The following BMPER variants were observed in gnomAD, a reference collection of about 807,000 sequenced individuals.
BMPER encodes the protein BMP-binding endothelial regulator protein.
BMPER carries 45 observed loss-of-function variants against 87.3 expected under a neutral mutation model. The observed-to-expected ratio is 0.52, with a 90% CI of 0.41 to 0.66. The LOEUF is 0.66. Ranked by LOEUF, BMPER falls within the 30% of genes least tolerant of loss-of-function variation. The pLI, the probability that BMPER is intolerant of heterozygous loss-of-function variation, is 0.00. For synonymous variants in BMPER, 326 were observed against 316.2 expected, an observed-to-expected ratio of 1.03 and a Z score of -0.33; for missense variants, 784 against 867.5, an observed-to-expected ratio of 0.90 and a Z score of 1.21.
chr7:34,092,650 C>G (rs1449559143), intron 13 of BMPER, among the ~76,000 whole-genome samples: 1 of 152,184 alleles, frequency 6.6e-6, no homozygotes, highest in African/African-American at 2.4e-5. Context: ...CCACCTCACC[C>G]ACAAGTAGGC....
chr7:34,054,226 A>G (rs59159472), intron 8 of BMPER, among the ~76,000 whole-genome samples: 2,983 of 152,278 alleles, frequency 0.02, 80 homozygotes, highest in African/African-American at 0.064. Flanking sequence ...ATTGCTTAAC[A>G]TAGTGCTAGG....
intron 6 of BMPER, among the ~76,000 whole-genome samples, chr7:33,990,060 G>A (rs1262452618): frequency 6.6e-6 from 1 of 151,766 alleles, no homozygotes; most frequent in Middle Eastern, 3.2e-3. Flanking sequence ...GATGCCTCCA[G>A]CTTTGTTCTT....
chr7:34,096,558 A>G (rs1789537116), intron 13 of BMPER, among the ~76,000 whole-genome samples: 1 of 152,196 alleles, frequency 6.6e-6, no homozygotes, highest in Non-Finnish European at 1.5e-5. Flanking sequence ...TACTCTGTTT[A>G]TTCGGAAATC....
intron 6 of BMPER, among the ~76,000 whole-genome samples, chr7:33,992,541 A>G (rs922632870): frequency 1.5e-4 from 22 of 149,302 alleles, no homozygotes; most frequent in Non-Finnish European, 2.8e-4. Context: ...TCCTGAACAC[A>G]GCACACTGAT....
chr7:33,920,363 A>AGAT (rs1415267678), intron 2 of BMPER, among the ~76,000 whole-genome samples: 1 of 149,588 alleles, frequency 6.7e-6, no homozygotes, highest in East Asian at 2.0e-4. Context: ...CCTGGTCCAG[A>AGAT]GATCCTGATG....
chr7:34,138,289 ACTGACCACAGGTCAGTT>A (rs1562767563), intron 13 of BMPER, among the ~76,000 whole-genome samples: 1 of 152,138 alleles, frequency 6.6e-6, no homozygotes, highest in African/African-American at 2.4e-5. Flanking sequence ...CAGGGAGGGA[ACTGACCACAGGTCAGTT>A]CTGATCCCAC....
At chr7:34,129,729 G>T (rs1790531520) in intron 13 of BMPER, among the ~76,000 whole-genome samples, 1 of 152,038 alleles carries the variant, frequency 6.6e-6, no homozygotes, top group African/African-American at 2.4e-5. Context: ...CAGTTCCTTT[G>T]CCATGAGTCC....
rs985866275 is a variant in BMPER, at chr7:34,106,722, A to G, written c.1745+20630A>G. ...ACCTTACTGGCAAGACAAAATTCCA[A>G]ATTCTTTAACTTGACATCTAAGGTT... On this transcript the variant is annotated intron_variant, in intron 13 of 14. Coordinates refer to ENST00000649409, the MANE Select transcript of BMPER (RefSeq NM_001365308.1). Among the ~76,000 whole-genome samples, 7 of 152,072 alleles carry G rather than the reference A, an allele frequency of 4.6e-5. 1 individual carries two copies. The highest frequency in any genetic ancestry group is 1.7e-4 in the African/African-American group (7 of 41,406).
intron 11 of BMPER, 148 bp from the exon 12 acceptor site, chr7:34,078,709 C>T (rs1400507575): frequency 1.3e-6 from 1 of 782,728 alleles, no homozygotes; most frequent in East Asian, 2.6e-5. Context: ...TTGACACGAA[C>T]CTTTAAAAAC....
intron 13 of BMPER, among the ~76,000 whole-genome samples, chr7:34,135,244 T>C (rs1232506081): frequency 6.6e-6 from 1 of 152,040 alleles, no homozygotes; most frequent in Non-Finnish European, 1.5e-5. Context: ...TTAATTTGGT[T>C]GTTGGATTTT....
At chr7:33,985,267 T>C (rs113365689) in intron 6 of BMPER, among the ~76,000 whole-genome samples, 4,708 of 152,334 alleles carry the variant, frequency 0.031, 98 homozygotes, top group Non-Finnish European at 0.047. Flanking sequence ...CATATGTACC[T>C]ATAATTCTGT....
intron 13 of BMPER, among the ~76,000 whole-genome samples, chr7:34,121,501 C>T (rs1337869935): frequency 6.6e-6 from 1 of 152,044 alleles, no homozygotes; most frequent in Non-Finnish European, 1.5e-5. Flanking sequence ...TTTAGTCTTC[C>T]ACTCTTGAAG....
intron 6 of BMPER, among the ~76,000 whole-genome samples, chr7:34,012,104 TA>T (rs1308906877): frequency 6.6e-6 from 1 of 151,870 alleles, no homozygotes; most frequent in Non-Finnish European, 1.5e-5. Context: ...AGTTTTCCAA[TA>T]CAAACTCTAT....
chr7:34,003,504 C>T (rs1279428881), intron 6 of BMPER, among the ~76,000 whole-genome samples: 1 of 151,946 alleles, frequency 6.6e-6, no homozygotes, highest in Non-Finnish European at 1.5e-5. Flanking sequence ...TAAATACTCT[C>T]TTTTATATTT....
chr7:33,956,052 A>T (rs1785141551), intron 3 of BMPER, among the ~76,000 whole-genome samples: 1 of 151,988 alleles, frequency 6.6e-6, no homozygotes. Context: ...AAAAAAAAAC[A>T]CCTCACCTAA....
intron 6 of BMPER, among the ~76,000 whole-genome samples, chr7:34,027,795 T>G (rs948078612): frequency 4.6e-5 from 7 of 152,116 alleles, no homozygotes; most frequent in Admixed American, 2.6e-4. Context: ...TGAAAAATTT[T>G]TATCTCTCTT....
chr7:33,921,288 T>A (rs55721380), intron 2 of BMPER, among the ~76,000 whole-genome samples: 2,708 of 152,352 alleles, frequency 0.018, 66 homozygotes, highest in African/African-American at 0.062. Flanking sequence ...AAGCTGGGGA[T>A]AGTCCAAACT....
intron 4 of BMPER, 63 bp from the exon 5 acceptor site, chr7:33,970,266 T>G (rs1237980132): frequency 1.9e-6 from 3 of 1,545,986 alleles, no homozygotes; most frequent in Non-Finnish European, 2.7e-6. Context: ...TAGGTCACTT[T>G]CCAAAAGTAG....
chr7:33,982,388 G>A (rs1360325832), intron 6 of BMPER, among the ~76,000 whole-genome samples: 3 of 152,104 alleles, frequency 2.0e-5, no homozygotes, highest in Non-Finnish European at 4.4e-5. Context: ...TAACTAGTGT[G>A]GGCCAAAAAG....
Sources: gnomAD v4.1 joint callset for allele counts (sites outside exome capture counted in the v4.1 genomes callset) on GRCh38, gnomAD v4.1.1 for gene constraint, MANE v1.5 for transcripts, NCBI Gene and HGNC (gene_info 2026-07-23, HGNC 2026-07-21) for gene names.